The following DENND1A variants were observed in gnomAD, a reference collection of about 807,000 sequenced individuals.
DENND1A encodes DENN domain containing 1A.
DENND1A carries 51 observed loss-of-function variants against 113.7 expected under a neutral mutation model. The ratio of observed to expected loss-of-function variants is 0.45; its 90% confidence interval spans 0.36 to 0.57. The LOEUF is 0.57. Ranked by LOEUF, DENND1A falls within the 20% of genes least tolerant of loss-of-function variation. The pLI is 0.00. For synonymous variants in DENND1A, 565 were observed against 570.8 expected (o/e 0.99, Z 0.14); for missense variants, 1,258 against 1,395.9 (o/e 0.90, Z 1.57).
intron 2 of DENND1A, among the ~76,000 whole-genome samples, chr9:123,866,853 T>G (rs1003573007): frequency 6.6e-6 from 1 of 152,214 alleles, no homozygotes; most frequent in Non-Finnish European, 1.5e-5. Context: ...AAAAGAAATC[T>G]GAACCTAAGT....
At chr9:123,807,889 G>A (rs1457307429) in intron 2 of DENND1A, among the ~76,000 whole-genome samples, 2 of 152,080 alleles carry the variant, frequency 1.3e-5, no homozygotes, top group African/African-American at 4.8e-5. Context: ...CACACCAATG[G>A]TAAATGCAAA....
intron 13 of DENND1A, among the ~76,000 whole-genome samples, chr9:123,494,362 T>C (rs935272923): frequency 2.0e-5 from 3 of 152,196 alleles, no homozygotes; most frequent in Non-Finnish European, 2.9e-5. Context: ...CCGCACCCTC[T>C]TGGATCAAAC....
chr9:123,897,659 G>A (rs909538469), intron 1 of DENND1A, among the ~76,000 whole-genome samples: 16 of 152,072 alleles, frequency 1.1e-4, no homozygotes, highest in Middle Eastern at 3.2e-3. Flanking sequence ...GGCTCACCTC[G>A]GAGCCTACCA....
At chr9:123,821,021 G>A (rs1022706173) in intron 2 of DENND1A, among the ~76,000 whole-genome samples, 4 of 152,304 alleles carry the variant, frequency 2.6e-5, no homozygotes, top group African/African-American at 9.6e-5. Flanking sequence ...AATAGCACAG[G>A]CATTATCTGC....
intron 20 of DENND1A, among the ~76,000 whole-genome samples, chr9:123,405,985 C>T (rs1265768763): frequency 7.0e-6 from 1 of 143,770 alleles, no homozygotes; most frequent in Non-Finnish European, 1.5e-5. Flanking sequence ...CACTTCCTGC[C>T]CACCCTTTGA....
intron 4 of DENND1A, among the ~76,000 whole-genome samples, chr9:123,765,575 A>T (rs1045929284): frequency 2.0e-5 from 3 of 152,158 alleles, no homozygotes; most frequent in Admixed American, 2.0e-4. Context: ...TTACAGGAAA[A>T]TGGAATGGTA....
chr9:123,641,183 G>A (rs924918567), intron 9 of DENND1A, among the ~76,000 whole-genome samples: 4 of 152,134 alleles, frequency 2.6e-5, no homozygotes, highest in Admixed American at 6.5e-5. Flanking sequence ...CCTAGTAGGC[G>A]CTCAAAATTT....
chr9:123,445,876 C>A (rs2047268954), intron 18 of DENND1A, among the ~76,000 whole-genome samples: 1 of 152,168 alleles, frequency 6.6e-6, no homozygotes, highest in South Asian at 2.1e-4. Context: ...CAAAAACAAA[C>A]AAACAAAAGA....
intron 2 of DENND1A, among the ~76,000 whole-genome samples, chr9:123,853,791 T>C (rs1766909519): frequency 6.6e-6 from 1 of 152,144 alleles, no homozygotes; most frequent in Non-Finnish European, 1.5e-5. Context: ...AAGAAATCAT[T>C]CAGTAGCACT....
At chr9:123,860,808 C>T (rs1442272214) in intron 2 of DENND1A, among the ~76,000 whole-genome samples, 1 of 152,210 alleles carries the variant, frequency 6.6e-6, no homozygotes, top group Non-Finnish European at 1.5e-5. Context: ...CTCGGCACCA[C>T]ACAATAGAGT....
chr9:123,787,352 A>G (rs1245601414), intron 3 of DENND1A, among the ~76,000 whole-genome samples: 1 of 152,212 alleles, frequency 6.6e-6, no homozygotes, highest in Non-Finnish European at 1.5e-5. Context: ...TAAGTTTTAC[A>G]ATAGAAATGT....
At chr9:123,472,417 A>T (rs894779655) in intron 13 of DENND1A, among the ~76,000 whole-genome samples, 6 of 152,150 alleles carry the variant, frequency 3.9e-5, no homozygotes, top group African/African-American at 9.7e-5. Context: ...GGACAGGGTG[A>T]GCAAGGGAGT....
intron 19 of DENND1A, among the ~76,000 whole-genome samples, chr9:123,432,466 G>A (rs145223462): frequency 2.1e-3 from 315 of 152,318 alleles, no homozygotes; most frequent in African/African-American, 6.9e-3. Context: ...CATGGGGACC[G>A]AAGGGAGGGC....
intron 5 of DENND1A, among the ~76,000 whole-genome samples, chr9:123,746,228 T>G (rs115333578): frequency 2.4e-4 from 37 of 152,330 alleles, no homozygotes; most frequent in African/African-American, 8.9e-4. Flanking sequence ...ACAATAGATA[T>G]AGCATACAGG....
chr9:123,438,906 T>C (rs2046721318), intron 19 of DENND1A, among the ~76,000 whole-genome samples: 1 of 152,248 alleles, frequency 6.6e-6, no homozygotes, highest in Non-Finnish European at 1.5e-5. Context: ...GAAAATGGAA[T>C]GTTTAACACC....
Position 123,611,760 on chromosome 9 carries a change from T to C in DENND1A, c.720-2279A>G, listed in dbSNP as rs141111201. 6.1e-3 allele frequency among the ~76,000 whole-genome samples: 936 copies of C among 152,300 alleles called. 5 individuals carry two copies. The highest frequency in any genetic ancestry group is 0.01 in the Non-Finnish European group (708 of 68,016). The stretch of plus-strand genomic sequence containing the variant: ...TCAAACGGTTGAAAATAAATATGTA[T>C]AGCAAAACCCCTCTGTATAACTTAA... On this transcript the variant is annotated intron_variant, in intron 10 of 23. Coordinates refer to ENST00000394215, the MANE Select transcript of DENND1A (RefSeq NM_001352964.2).
At chr9:123,641,434 G>A (rs2062019087) in intron 9 of DENND1A, among the ~76,000 whole-genome samples, 1 of 111,782 alleles carries the variant, frequency 8.9e-6, no homozygotes, top group Admixed American at 9.0e-5. Context: ...TTAATGAAAT[G>A]GCAAAAAAAA....
Position 123,468,435 on chromosome 9 carries a change from C to T in DENND1A, c.994-10538G>A, listed in dbSNP as rs912387424. On this transcript the variant is annotated intron_variant, in intron 13 of 23. Transcript: ENST00000394215. ...AACCCCTGGTACAGGTGAAAGTGAC[C>T]AGCACAGAGCCTGGACCCACTTGAC... Among the ~76,000 whole-genome samples, 4 of 152,288 alleles carry T rather than the reference C, an allele frequency of 2.6e-5. No individual in the cohort carries two copies. The South Asian group carries it at 6.2e-4, about 24-fold the overall frequency.
chr9:123,639,039 T>TAAAAAAAAA (rs750972974), intron 9 of DENND1A, among the ~76,000 whole-genome samples: 25 of 32,074 alleles, frequency 7.8e-4, no homozygotes, highest in Admixed American at 9.9e-4. Flanking sequence ...GCATGAGTAG[T>TAAAAAAAAA]AAAAAAAAAA....
Sources: gnomAD v4.1 joint callset for allele counts (sites outside exome capture counted in the v4.1 genomes callset) on GRCh38, gnomAD v4.1.1 for gene constraint, MANE v1.5 for transcripts, NCBI Gene and HGNC (gene_info 2026-07-23, HGNC 2026-07-21) for gene names.